NALCN: variants seen among roughly 807,000 people sequenced by gnomAD.
NALCN encodes the protein sodium leak channel NALCN.
NALCN carries 111 observed loss-of-function variants against 225.3 expected under a neutral mutation model. The ratio of observed to expected loss-of-function variants is 0.49; its 90% confidence interval spans 0.42 to 0.58. The LOEUF (loss-of-function observed/expected upper bound fraction) is 0.58, where lower values mean the gene tolerates loss of function less well. Ranked by LOEUF, NALCN falls within the 20% of genes least tolerant of loss-of-function variation. NALCN has a pLI of 0.00. For missense variants in NALCN, 1,378 were observed against 2,202.4 expected, an observed-to-expected ratio of 0.63 and a Z score of 7.49; for synonymous variants, 764 against 769.0, an observed-to-expected ratio of 0.99 and a Z score of 0.11.
intron 17 of NALCN, among the ~76,000 whole-genome samples, chr13:101,131,774 A>G (rs1485316095): frequency 6.6e-6 from 1 of 152,134 alleles, no homozygotes; most frequent in Non-Finnish European, 1.5e-5. Flanking sequence ...TTTATGGTAA[A>G]TATTAACTAT....
chr13:101,319,273 A>G (rs187483669), intron 7 of NALCN, among the ~76,000 whole-genome samples: 28 of 151,954 alleles, frequency 1.8e-4, no homozygotes, highest in African/African-American at 6.5e-4. Context: ...CATTATCAGG[A>G]CCTCTCTGCT....
chr13:101,232,204 C>G (rs895560412), intron 12 of NALCN, among the ~76,000 whole-genome samples: 1 of 151,852 alleles, frequency 6.6e-6, no homozygotes, highest in Non-Finnish European at 1.5e-5. Flanking sequence ...CCTGAAACCA[C>G]GTTTACTGCA....
At chr13:101,346,083 CTCTCTATA>C (rs1384529541) in intron 6 of NALCN, among the ~76,000 whole-genome samples, 9 of 84,306 alleles carry the variant, frequency 1.1e-4, no homozygotes, top group African/African-American at 2.4e-4. Context: ...CTCTCTCTCT[CTCTCTATA>C]TATATATATA....
intron 11 of NALCN, among the ~76,000 whole-genome samples, chr13:101,246,046 C>G (rs2041885238): frequency 6.6e-6 from 1 of 152,172 alleles, no homozygotes; most frequent in African/African-American, 2.4e-5. Flanking sequence ...CTCACTCCCA[C>G]ACTGTGAAGT....
rs1397576834 is a variant in NALCN, at chr13:101,246,265, GGAAA to G, written c.1267-8347_1267-8344del. Among the ~76,000 whole-genome samples, 6 of 152,162 alleles carry G rather than the reference GGAAA, an allele frequency of 3.9e-5. No individual in the cohort carries two copies. In the South Asian group the frequency reaches 6.2e-4, roughly 16 times the overall value. ...GTAGAGATGGACATTGCCCATGAGT[GGAAA>G]GATATTTGAAATGTGTTATCTAATA... On this transcript the variant is annotated intron_variant, in intron 11 of 43. Transcript: ENST00000251127.
chr13:101,375,623 CTT>C (rs1232617079), intron 6 of NALCN, among the ~76,000 whole-genome samples: 1 of 152,072 alleles, frequency 6.6e-6, no homozygotes, highest in African/African-American at 2.4e-5. Flanking sequence ...CTTGTAATCT[CTT>C]TTTGAATTTT....
chr13:101,256,748 G>C (rs1411085581), intron 11 of NALCN, among the ~76,000 whole-genome samples: 1 of 144,286 alleles, frequency 6.9e-6, no homozygotes, highest in African/African-American at 2.5e-5. Flanking sequence ...ATTAGTATCA[G>C]TCTAGGCTTC....
intron 17 of NALCN, among the ~76,000 whole-genome samples, chr13:101,125,653 G>C (rs1042530740): frequency 1.3e-5 from 2 of 152,178 alleles, no homozygotes; most frequent in Non-Finnish European, 2.9e-5. Flanking sequence ...TAGATGATAC[G>C]TAAAGGAGAA....
rs2033749583 is a variant in NALCN, at chr13:101,083,164, T to A, written c.3618A>T (p.Ile1206=). 2 of 1,614,042 alleles carry A rather than the reference T, an allele frequency of 1.2e-6. No individual in the cohort carries two copies. Among genetic ancestry groups the A allele is most frequent in the Admixed American group, 3.3e-5 (2 of 60,006 alleles). The change falls in exon 32 of 44, where the codon ATA becomes ATT. Residue 1206 remains isoleucine, a synonymous_variant. Coordinates refer to ENST00000251127, the MANE Select transcript of NALCN (RefSeq NM_052867.4). ...NDGFRAKMYD[I]TQHPFFKRTI... ...TCCTCTTAAAAAATGGATGCTGGGT[T>A]ATGTCATACATTTTAGCTCTAAAAC... is the stretch of plus-strand genomic sequence containing the variant.
At chr13:101,144,274 G>A (rs2037233349) in intron 16 of NALCN, among the ~76,000 whole-genome samples, 1 of 152,180 alleles carries the variant, frequency 6.6e-6, no homozygotes, top group Non-Finnish European at 1.5e-5. Flanking sequence ...AAAAGTGGAA[G>A]GCAAATTATA....
At chr13:101,068,600 C>T in intron 38 of NALCN, 95 bp downstream of exon 38, 1 of 1,270,984 alleles carries the variant, frequency 7.9e-7, no homozygotes, top group Non-Finnish European at 1.0e-6. Flanking sequence ...GAAACACCCA[C>T]CCCAAGAAAT....
At chr13:101,337,935 T>C (rs983924297) in intron 7 of NALCN, among the ~76,000 whole-genome samples, 2 of 152,150 alleles carry the variant, frequency 1.3e-5, no homozygotes, top group African/African-American at 4.8e-5. Flanking sequence ...TTCTCCCCAC[T>C]CATCAGCTGA....
At chr13:101,314,055 G>A (rs534545895) in intron 7 of NALCN, among the ~76,000 whole-genome samples, 10 of 150,522 alleles carry the variant, frequency 6.6e-5, no homozygotes, top group Admixed American at 2.0e-4. Flanking sequence ...GCAAACTATC[G>A]CAAGGACAAA....
Position 101,089,787 on chromosome 13 carries a change from C to T in NALCN, c.3391-26G>A, listed in dbSNP as rs770898527. ...CTGCATAAAGGAAAATATGGTTATTCATCAAAACAAATGAAAGCTGCTCTT... is the reference window on the plus strand; with the variant it reads ...CTGCATAAAGGAAAATATGGTTATTTATCAAAACAAATGAAAGCTGCTCTT... On this transcript the variant is annotated intron_variant, in intron 29 of 43. Transcript: ENST00000251127. This position sits in a 1 kb window ranked among gnomAD's most constrained non-coding sequence, Gnocchi z 4.7. The T allele has an allele frequency of 6.2e-7, 1 of 1,613,846 alleles. No homozygotes were observed. The highest frequency in any genetic ancestry group is 1.3e-5 in the African/African-American group (1 of 75,006).
At position 101,066,154 on chromosome 13, in the gene NALCN, A is replaced by G. The variant is rs540679148; in HGVS notation, c.4447-593T>C. On this transcript the variant is annotated intron_variant, in intron 39 of 43. Transcript: ENST00000251127. ...CAGCCTGGCCAGCATGATGAAGCCC[A>G]GTCTCTACTAAAAATAAAAAAATTA... Among the ~76,000 whole-genome samples the G allele has an allele frequency of 2.6e-5, 4 of 152,094 alleles. No individual in the cohort carries two copies. The East Asian group carries it at 7.8e-4, about 30-fold the overall frequency.
Position 101,378,572 on chromosome 13 carries a change from G to A in NALCN, c.373C>T (p.Gln125Ter). 2 of 1,604,214 alleles carry A rather than the reference G, an allele frequency of 1.2e-6. No homozygotes were observed. Among genetic ancestry groups the A allele is most frequent in the Non-Finnish European group, 8.5e-7 (1 of 1,174,534 alleles). The stretch of plus-strand genomic sequence containing the variant: ...TAATTTAAAAAATATTTAATTACCT[G>A]TAGCACCAAAGAAACCCAAAGGCAA... ...VFCLWVSLVL[Q>*]VFEIADIVDQ... is the part of the protein sequence containing the mutation. Residue 125 changes from glutamine (Q) to a stop codon, truncating the protein, a stop_gained and splice_region_variant, in exon 4 of 44, where the codon CAG becomes TAG. Coordinates refer to ENST00000251127, the MANE Select transcript of NALCN (RefSeq NM_052867.4). LOFTEE classifies it high-confidence loss of function.
chr13:101,237,772 GTGAA>G lies in NALCN; in HGVS notation c.1413_1416del (p.Ser472AsnfsTer10). On this transcript the variant is annotated frameshift_variant, in exon 12 of 44. Coordinates refer to ENST00000251127, the MANE Select transcript of NALCN (RefSeq NM_052867.4). LOFTEE classifies it high-confidence loss of function. ...TTTATTACCTGAAAGTACGTGAATT[GTGAA>G]TGATAAAGATCTGGGTATACATGAA... is the stretch of plus-strand genomic sequence containing the variant. 6.3e-7 allele frequency: 1 copy of G among 1,579,968 alleles called. No individual in the cohort carries two copies. The highest frequency in any genetic ancestry group is 8.6e-7 in the Non-Finnish European group (1 of 1,167,400).
At chr13:101,399,978 T>C (rs2047420317) in intron 1 of NALCN, among the ~76,000 whole-genome samples, 1 of 152,050 alleles carries the variant, frequency 6.6e-6, no homozygotes, top group Non-Finnish European at 1.5e-5. Flanking sequence ...AGAAGAATTG[T>C]TATAAAGGCA....
intron 17 of NALCN, among the ~76,000 whole-genome samples, chr13:101,126,337 A>C (rs1272771746): frequency 2.0e-5 from 3 of 152,146 alleles, no homozygotes; most frequent in Non-Finnish European, 4.4e-5. Flanking sequence ...TATTCACTAG[A>C]ACTCTTAGGA....
Sources: allele counts gnomAD v4.1 joint callset (sites outside exome capture counted in the v4.1 genomes callset), GRCh38; gene constraint gnomAD v4.1.1; non-coding constraint Gnocchi (gnomAD v3.1); transcripts MANE v1.5; gene names NCBI Gene and HGNC (gene_info 2026-07-23, HGNC 2026-07-21).